LETM1: variants seen among roughly 807,000 people sequenced by gnomAD.
LETM1 encodes the protein leucine zipper and EF-hand containing transmembrane protein 1, also known as mitochondrial proton/calcium exchanger protein.
A neutral mutation model predicts 74.5 loss-of-function variants in LETM1; 50 were observed. The ratio of observed to expected loss-of-function variants is 0.67; its 90% CI spans 0.53 to 0.85. The LOEUF (loss-of-function observed/expected upper bound fraction) is 0.85, where lower values mean the gene tolerates loss of function less well. LETM1 is among the 40% of genes least tolerant of loss of function. The probability of loss-of-function intolerance (pLI) is 0.00; values close to 1 mark genes in which losing one functional copy is unlikely to be tolerated. For synonymous variants in LETM1, 446 were observed against 407.1 expected (o/e 1.10, Z -1.15); for missense variants, 824 against 967.8 (o/e 0.85, Z 1.97).
Position 1,822,309 on chromosome 4 carries a change from C to A in LETM1, c.1480G>T (p.Asp494Tyr), listed in dbSNP as rs777813839. The A allele has an allele frequency of 2.0e-6, 3 of 1,496,410 alleles. No homozygotes were observed. In the South Asian group the frequency reaches 4.0e-5, roughly 20 times the overall value. 92.7% of individuals were successfully genotyped at this position (1,496,410 alleles called of 1,614,324 possible). The change falls in exon 10 of 14, where the codon GAT (aspartate) becomes TAT (tyrosine). Residue 494 changes from aspartate to tyrosine, a missense_variant. Transcript: ENST00000302787. Reference protein sequence around the residue: ...ELQKRSEVAKDFEPERVVAAP... With the variant: ...ELQKRSEVAKYFEPERVVAAP... ...GCTACCACACGTTCGGGCTCAAAAT[C>A]CTTCTGAAAGGCAAGGCGACACCAG...
chr4:1,819,525 C>G, intron 10 of LETM1, 53 bp from the exon 11 acceptor site: 1 of 1,573,934 alleles, frequency 6.4e-7, no homozygotes, highest in Non-Finnish European at 8.6e-7. Context: ...AAGAACTGGC[C>G]TGTTCCCAAG....
At chr4:1,825,993 C>T (rs1467257390) in intron 6 of LETM1, among the ~76,000 whole-genome samples, 3 of 152,098 alleles carry the variant, frequency 2.0e-5, no homozygotes, top group Admixed American at 2.0e-4. Flanking sequence ...TCCCCCAGTC[C>T]CCCATCTGCC....
chr4:1,814,325 T>A lies in LETM1; in HGVS notation c.*99A>T. On this transcript the variant is annotated 3_prime_UTR_variant, in exon 14 of 14. Coordinates refer to ENST00000302787, the MANE Select transcript of LETM1 (RefSeq NM_012318.3). ...AGTCTCTGATTTATTCCAGCCAAAA[T>A]ATTAGATGAGCCACTGAGAATCACC... 1.3e-6 allele frequency: 2 copies of A among 1,558,932 alleles called. No individual in the cohort carries two copies.
chr4:1,823,695 G>A lies in LETM1; in HGVS notation c.1281C>T (p.Leu427=). 2 of 1,614,020 alleles carry A rather than the reference G, an allele frequency of 1.2e-6. No individual in the cohort carries two copies. The highest frequency in any genetic ancestry group is 1.3e-5 in the African/African-American group (1 of 75,034). ...LSRAMYLPDT[L]SPADQLKSTL... Reference sequence around the variant, plus strand: ...TGGACTTGAGCTGGTCGGCTGGAGAGAGGGTGTCCGGGAGGTACATGGCCC... The same window carrying A: ...TGGACTTGAGCTGGTCGGCTGGAGAAAGGGTGTCCGGGAGGTACATGGCCC... The change falls in exon 8 of 14, where the codon CTC becomes CTT. Residue 427 remains leucine, a synonymous_variant. Transcript: ENST00000302787.
chr4:1,816,723 T>A lies in LETM1; in HGVS notation c.1931+4A>T. 1 of 1,612,370 alleles carries A rather than the reference T, an allele frequency of 6.2e-7. No individual in the cohort carries two copies. Reference sequence around the variant, plus strand: ...CCCTCTCCCGCGCCCACCACCCCACTCACCCCGTGGGCATGCCGTTGGCCG... The same window carrying A: ...CCCTCTCCCGCGCCCACCACCCCACACACCCCGTGGGCATGCCGTTGGCCG... On this transcript the variant is annotated splice_donor_region_variant and intron_variant, in intron 12 of 13. Coordinates refer to ENST00000302787, the MANE Select transcript of LETM1 (RefSeq NM_012318.3).
At chr4:1,844,673 G>A (rs947997442) in intron 2 of LETM1, among the ~76,000 whole-genome samples, 1 of 151,766 alleles carries the variant, frequency 6.6e-6, no homozygotes, top group Admixed American at 6.6e-5. Flanking sequence ...GGAGGCTGCA[G>A]GGAGGCAGAG....
intron 6 of LETM1, among the ~76,000 whole-genome samples, chr4:1,828,900 C>G (rs1392819663): frequency 1.8e-5 from 2 of 110,444 alleles, no homozygotes; most frequent in Admixed American, 8.0e-5. Context: ...GGCGGCTGGC[C>G]GGGCAGAGGG....
At chr4:1,829,801 G>C (rs1416028437) in intron 6 of LETM1, among the ~76,000 whole-genome samples, 1 of 151,974 alleles carries the variant, frequency 6.6e-6, no homozygotes, top group Non-Finnish European at 1.5e-5. Flanking sequence ...CTCCAGCCTG[G>C]GCAACAGAAC....
rs1275575518 is a variant in LETM1 at position 1,812,821 on chromosome 4, G to A, written c.*1603C>T. The A allele has an allele frequency of 6.6e-6, 1 of 152,414 alleles. No individual in the cohort carries two copies. The highest frequency in any genetic ancestry group is 2.4e-5 in the African/African-American group (1 of 41,460). 9.4% of individuals were successfully genotyped at this position (152,414 alleles called of 1,614,324 possible). On this transcript the variant is annotated 3_prime_UTR_variant, in exon 14 of 14. Transcript: ENST00000302787. ...CTTTTGGAGGCCATGCGGAGTCCAG[G>A]GCAGAGGGGACAGTGGGATGGGCTG...
At chr4:1,835,114 A>T (rs1028077782) in intron 4 of LETM1, 132 bp from the exon 5 acceptor site, 2 of 824,764 alleles carry the variant, frequency 2.4e-6, no homozygotes, top group African/African-American at 3.4e-5. Context: ...TCTAAGTGCA[A>T]TACATTCTCA....
chr4:1,844,464 G>A (rs528625761), intron 2 of LETM1, among the ~76,000 whole-genome samples: 149 of 152,330 alleles, frequency 9.8e-4, no homozygotes, highest in Non-Finnish European at 1.8e-3. Flanking sequence ...GGGCGCAGTG[G>A]CTCACATCTG....
At chr4:1,821,218 G>A (rs996135468) in intron 10 of LETM1, among the ~76,000 whole-genome samples, 1 of 150,000 alleles carries the variant, frequency 6.7e-6, no homozygotes, top group Non-Finnish European at 1.5e-5. Flanking sequence ...TCAGCCTCCT[G>A]AGTAGCTGGG....
In LETM1 at chr4:1,822,249, C is replaced by T. The variant is rs1326485473; in HGVS notation, c.1540G>A (p.Glu514Lys). 3.2e-6 allele frequency: 5 copies of T among 1,549,612 alleles called. No individual in the cohort carries two copies. In the African/African-American group the frequency reaches 5.5e-5, roughly 17 times the overall value. The stretch of plus-strand genomic sequence containing the variant: ...GACTGCAGGACTGTGTCAGGCATTT[C>T]TGGCTGTGGCTCGGTCCCCGGCCTT... ...PQRPGTEPQPEMPDTVLQSET... is the reference protein window; with the variant it reads ...PQRPGTEPQPKMPDTVLQSET... Residue 514 changes from glutamate to lysine, a missense_variant, in exon 10 of 14, where the codon GAA becomes AAA. This residue lies in a region of LETM1 where 172 missense variants were observed against 170.7 expected (regional missense o/e 1.01). Transcript: ENST00000302787.
At position 1,844,684 on chromosome 4, in the gene LETM1, G is replaced by T. The variant is rs180941055; in HGVS notation, c.144-2887C>A. 1.1e-3 allele frequency among the ~76,000 whole-genome samples: 166 copies of T among 151,568 alleles called. 1 individual carries two copies. Among genetic ancestry groups the T allele is most frequent in the African/African-American group, 3.7e-3 (152 of 41,042 alleles). ...AGGTGGAGGCTGCAGGGAGGCAGAGGCTACAGTGAGCCGAGATTGTGCCAC... is the reference window on the plus strand; with the variant it reads ...AGGTGGAGGCTGCAGGGAGGCAGAGTCTACAGTGAGCCGAGATTGTGCCAC... On this transcript the variant is annotated intron_variant, in intron 2 of 13. Coordinates refer to ENST00000302787, the MANE Select transcript of LETM1 (RefSeq NM_012318.3).
intron 6 of LETM1, among the ~76,000 whole-genome samples, chr4:1,827,569 G>A (rs1712042048): frequency 8.5e-6 from 1 of 117,698 alleles, no homozygotes; most frequent in African/African-American, 3.4e-5. Context: ...ACCCTGAGTG[G>A]ACACAGCACA....
rs763979821 is a variant in LETM1, at chr4:1,823,660, G to T, written c.1316C>A (p.Thr439Asn). ...PADQLKSTLQTLPEIVAKEAQ... is the reference protein window; with the variant it reads ...PADQLKSTLQNLPEIVAKEAQ... ...AGCACGTACCACAATCTCTGGGAGG[G>T]TCTGCAGTGTGGACTTGAGCTGGTC... The change falls in exon 8 of 14, where the codon ACC becomes AAC. Residue 439 changes from threonine to asparagine, a missense_variant. By Grantham distance (65) the Thr-to-Asn change is moderately conservative (BLOSUM62 0). This residue lies in a region of LETM1 where 172 missense variants were observed against 170.7 expected (regional missense o/e 1.01). Transcript: ENST00000302787. 3 of 1,613,934 alleles carry T rather than the reference G, an allele frequency of 1.9e-6. No homozygotes were observed. The highest frequency in any genetic ancestry group is 1.1e-5 in the South Asian group (1 of 91,076).
In LETM1 at chr4:1,834,332, G is replaced by C; in HGVS notation, c.876+513C>G. 1.1e-6 allele frequency: 1 copy of C among 952,050 alleles called. No homozygotes were observed. Among genetic ancestry groups the C allele is most frequent in the Non-Finnish European group, 1.3e-6 (1 of 799,096 alleles). The allele number at this position is 952,050 out of a possible 1,614,324, so 59.0% of individuals were successfully genotyped here. A position where few individuals can be genotyped will look rare whatever the true frequency, so the allele number is the denominator to read the frequency against. On this transcript the variant is annotated intron_variant, in intron 5 of 13. Coordinates refer to ENST00000302787, the MANE Select transcript of LETM1 (RefSeq NM_012318.3). This position sits in a 1 kb window ranked among gnomAD's most constrained non-coding sequence, Gnocchi z 5.0. ...ACCCCATCTAGTCCTCAGGGATCTC[G>C]GTCCGTGGCAGCTGCCGTCTCCCCA... is the stretch of plus-strand genomic sequence containing the variant.
chr4:1,838,076 T>G (rs1449659423), intron 3 of LETM1, among the ~76,000 whole-genome samples: 1 of 152,082 alleles, frequency 6.6e-6, no homozygotes, highest in African/African-American at 2.4e-5. Context: ...AGAGCACATT[T>G]CAGTGCACAG....
At chr4:1,822,577 C>G in intron 9 of LETM1, 1 of 358,764 alleles carries the variant, frequency 2.8e-6, no homozygotes, top group Admixed American at 4.7e-5. Context: ...ACTTGCAGAG[C>G]AGGAGGCTGA....
Sources: allele counts gnomAD v4.1 joint callset (sites outside exome capture counted in the v4.1 genomes callset), GRCh38; gene constraint gnomAD v4.1.1; regional missense constraint gnomAD v4.1.1; non-coding constraint Gnocchi (gnomAD v3.1); transcripts MANE v1.5; gene names NCBI Gene and HGNC (gene_info 2026-07-23, HGNC 2026-07-21).